The following SLC7A11 variants were observed in gnomAD, a reference collection of about 807,000 sequenced individuals.
SLC7A11 encodes solute carrier family 7 member 11.
In SLC7A11, 35 loss-of-function variants were observed where a neutral mutation model predicts 54.5. The ratio of observed to expected loss-of-function variants is 0.64; its 90% CI spans 0.49 to 0.85. SLC7A11 has a LOEUF of 0.85. Among genes scored for constraint, SLC7A11 ranks in the 40% least tolerant of loss-of-function variants. The pLI is 0.00. For synonymous variants in SLC7A11, 230 were observed against 225.2 expected (o/e 1.02, Z -0.19); for missense variants, 583 against 618.1 (o/e 0.94, Z 0.60).
intron 2 of SLC7A11, among the ~76,000 whole-genome samples, chr4:138,233,404 T>A (rs560813943): frequency 6.6e-6 from 1 of 152,262 alleles, no homozygotes; most frequent in African/African-American, 2.4e-5. Context: ...CAGGCTGGTC[T>A]CGAACTTCTG....
At chr4:138,219,411 T>C in intron 4 of SLC7A11, 46 bp from the exon 5 acceptor site, 1 of 1,074,724 alleles carries the variant, frequency 9.3e-7, no homozygotes, top group Non-Finnish European at 1.4e-6. Flanking sequence ...AAGAATTGGT[T>C]CTTATTCACT....
At chr4:138,225,164 AT>A (rs1349699586) in intron 3 of SLC7A11, among the ~76,000 whole-genome samples, 75 of 145,846 alleles carry the variant, frequency 5.1e-4, no homozygotes, top group African/African-American at 1.8e-3. Flanking sequence ...ATATATATAT[AT>A]ATATATAAAT....
intron 6 of SLC7A11, among the ~76,000 whole-genome samples, chr4:138,187,675 C>A (rs1443974409): frequency 6.6e-6 from 1 of 152,074 alleles, no homozygotes; most frequent in Non-Finnish European, 1.5e-5. Context: ...TTCTTTAACA[C>A]TACAGTTTTA....
At chr4:138,181,245 C>T (rs1018422691) in intron 9 of SLC7A11, among the ~76,000 whole-genome samples, 14 of 152,158 alleles carry the variant, frequency 9.2e-5, no homozygotes, top group African/African-American at 3.4e-4. Flanking sequence ...CTTGGCTATC[C>T]ACACCCAGGA....
intron 6 of SLC7A11, among the ~76,000 whole-genome samples, chr4:138,213,545 A>C (rs57286381): frequency 0.43 from 61,235 of 143,968 alleles, 13,311 homozygotes; most frequent in Middle Eastern, 0.61. Flanking sequence ...CTCTCTCTCT[A>C]TCTCTCTCTC....
intron 10 of SLC7A11, 93 bp from the exon 11 acceptor site, chr4:138,179,487 A>G: frequency 1.9e-6 from 2 of 1,074,862 alleles, no homozygotes; most frequent in Non-Finnish European, 2.7e-6. Context: ...CATATACTTT[A>G]GTGATATGCT....
intron 5 of SLC7A11, among the ~76,000 whole-genome samples, chr4:138,214,878 T>C (rs1051857022): frequency 4.6e-5 from 7 of 152,182 alleles, no homozygotes; most frequent in Admixed American, 2.6e-4. Context: ...TCATAGCTCA[T>C]AGAATGTCCC....
chr4:138,180,812 A>T (rs1303048836), intron 9 of SLC7A11, 22 bp from the exon 10 acceptor site: 1 of 1,603,080 alleles, frequency 6.2e-7, no homozygotes, highest in Non-Finnish European at 8.5e-7. Flanking sequence ...AAGGGAAGCA[A>T]GCTTGGTGAA....
chr4:138,205,820 G>C (rs1737392627), intron 6 of SLC7A11, among the ~76,000 whole-genome samples: 1 of 151,990 alleles, frequency 6.6e-6, no homozygotes, highest in Non-Finnish European at 1.5e-5. Flanking sequence ...CTGACTTAAT[G>C]CTTCTGATTA....
chr4:138,236,127 C>T (rs1278741334), intron 2 of SLC7A11, among the ~76,000 whole-genome samples, 198 bp downstream of exon 2: 1 of 152,144 alleles, frequency 6.6e-6, no homozygotes, highest in Non-Finnish European at 1.5e-5. Context: ...TGCTGGTGAA[C>T]TGCTTGTCAG....
intron 6 of SLC7A11, among the ~76,000 whole-genome samples, chr4:138,195,172 CA>C (rs1315218047): frequency 6.6e-6 from 1 of 152,140 alleles, no homozygotes; most frequent in African/African-American, 2.4e-5. Context: ...GTGATCTGTT[CA>C]CTCTTCTGCA....
chr4:138,185,366 G>T, intron 6 of SLC7A11, 122 bp from the exon 7 acceptor site: 1 of 1,122,040 alleles, frequency 8.9e-7, no homozygotes, highest in Non-Finnish European at 1.3e-6. Context: ...TATAGGCTCT[G>T]TTGGGTATGT....
At chr4:138,187,427 A>G (rs896236459) in intron 6 of SLC7A11, among the ~76,000 whole-genome samples, 1 of 152,132 alleles carries the variant, frequency 6.6e-6, no homozygotes, top group African/African-American at 2.4e-5. Flanking sequence ...CATTTTATAT[A>G]TGAGAAAAAT....
At chr4:138,199,349 T>C (rs1737219013) in intron 6 of SLC7A11, among the ~76,000 whole-genome samples, 1 of 152,178 alleles carries the variant, frequency 6.6e-6, no homozygotes. Flanking sequence ...GGAAATGCTA[T>C]ATACTGTTAC....
At chr4:138,231,021 T>A (rs918105178) in intron 3 of SLC7A11, among the ~76,000 whole-genome samples, 7 of 152,196 alleles carry the variant, frequency 4.6e-5, no homozygotes, top group African/African-American at 1.7e-4. Flanking sequence ...AATAAAATAA[T>A]GTCTTTGCTG....
chr4:138,218,771 T>C (rs1737737688), intron 5 of SLC7A11, among the ~76,000 whole-genome samples: 1 of 152,180 alleles, frequency 6.6e-6, no homozygotes, highest in Admixed American at 6.6e-5. Context: ...TGGTTTCTCT[T>C]TCTCTGCCTT....
In SLC7A11 at chr4:138,236,345, C is replaced by G; in HGVS notation, c.384G>C (p.Trp128Cys). The change falls in exon 2 of 12, where the codon TGG becomes TGC. Residue 128 changes from tryptophan to cysteine, a missense_variant. Coordinates refer to ENST00000280612, the MANE Select transcript of SLC7A11 (RefSeq NM_014331.4). ...CTTACCGTATTATGAGGAGTTCCAC[C>G]CAGACTCGTACAAAAGCTGGTAATG... ...FGPLPAFVRV[W>C]VELLIIRPAA... 6.2e-7 allele frequency: 1 copy of G among 1,612,306 alleles called. No individual in the cohort carries two copies. Among genetic ancestry groups the G allele is most frequent in the Non-Finnish European group, 8.5e-7 (1 of 1,179,136 alleles).
intron 11 of SLC7A11, chr4:138,175,928 T>C (rs1736560555): frequency 6.6e-6 from 1 of 152,050 alleles, no homozygotes; most frequent in Non-Finnish European, 1.5e-5. Flanking sequence ...AATATAAAGG[T>C]TTTGGAATTT....
intron 6 of SLC7A11, among the ~76,000 whole-genome samples, chr4:138,205,365 T>C (rs1737382484): frequency 6.6e-6 from 1 of 152,116 alleles, no homozygotes; most frequent in Admixed American, 6.6e-5. Context: ...TTTTAGCTTG[T>C]GTCTATCCAA....
Sources: allele counts gnomAD v4.1 joint callset (sites outside exome capture counted in the v4.1 genomes callset), GRCh38; gene constraint gnomAD v4.1.1; transcripts MANE v1.5; gene names NCBI Gene and HGNC (gene_info 2026-07-23, HGNC 2026-07-21).